FHOD3: variants seen among roughly 807,000 people sequenced by gnomAD.
FHOD3 encodes formin homology 2 domain containing 3, also known as FH1/FH2 domain-containing protein 3.
FHOD3 carries 90 observed loss-of-function variants against 173.0 expected under a neutral mutation model. The observed-to-expected ratio is 0.52, with a 90% CI of 0.44 to 0.62. FHOD3 has a LOEUF of 0.62. FHOD3 is among the 20% of genes least tolerant of loss of function. The pLI, the probability that FHOD3 is intolerant of heterozygous loss-of-function variation, is 0.00. For synonymous variants in FHOD3, 828 were observed against 823.0 expected (o/e 1.01, Z -0.10); for missense variants, 1,945 against 2,034.7 (o/e 0.96, Z 0.85).
chr18:36,692,104 G>A (rs983250003), intron 16 of FHOD3, among the ~76,000 whole-genome samples: 3 of 152,228 alleles, frequency 2.0e-5, no homozygotes, highest in African/African-American at 7.2e-5. Context: ...ACTGCCTTTG[G>A]GCTGGCAGGG....
rs1418551158 is a variant in FHOD3, at chr18:36,599,785, A to C, written c.719-2889A>C. ...ACCTGGGGGTAAACTGGGTATCTCC[A>C]CCAACCACCACCATTACAATTACAG... On this transcript the variant is annotated intron_variant, in intron 7 of 28. Coordinates refer to ENST00000590592, the MANE Select transcript of FHOD3 (RefSeq NM_001281740.3). 5.9e-5 allele frequency among the ~76,000 whole-genome samples: 9 copies of C among 152,290 alleles called. No homozygotes were observed. The East Asian group carries it at 1.5e-3, about 26-fold the overall frequency.
chr18:36,566,823 T>G (rs1268483480), intron 5 of FHOD3, among the ~76,000 whole-genome samples: 1 of 151,152 alleles, frequency 6.6e-6, no homozygotes, highest in Non-Finnish European at 1.5e-5. Context: ...AGGGAAGGAG[T>G]CTGGAATAGC....
intron 14 of FHOD3, among the ~76,000 whole-genome samples, chr18:36,660,097 C>T (rs187692150): frequency 3.3e-5 from 5 of 152,202 alleles, no homozygotes; most frequent in African/African-American, 9.6e-5. Context: ...GGTGAACCCC[C>T]GTCTCTACTA....
chr18:36,671,070 G>A (rs890250429), intron 14 of FHOD3, among the ~76,000 whole-genome samples: 4 of 152,170 alleles, frequency 2.6e-5, no homozygotes, highest in African/African-American at 9.7e-5. Context: ...TCTTTCACTG[G>A]CCACAGATTA....
chr18:36,476,073 G>A (rs11878080), intron 3 of FHOD3, among the ~76,000 whole-genome samples: 21,328 of 152,096 alleles, frequency 0.14, 1,620 homozygotes, highest in East Asian at 0.27. Context: ...TATGAAGCTT[G>A]TTCATTTGTT....
intron 5 of FHOD3, among the ~76,000 whole-genome samples, chr18:36,526,448 C>T (rs1463178852): frequency 3.3e-5 from 5 of 151,368 alleles, no homozygotes; most frequent in African/African-American, 1.2e-4. Flanking sequence ...TCTTTTGAGA[C>T]TGAATCTTGC....
At chr18:36,695,015 T>C (rs1376958292) in intron 17 of FHOD3, among the ~76,000 whole-genome samples, 1 of 151,556 alleles carries the variant, frequency 6.6e-6, no homozygotes, top group Non-Finnish European at 1.5e-5. Context: ...GTGTGTAGTA[T>C]GCATTTGGGG....
chr18:36,619,300 C>T (rs1364783940), intron 9 of FHOD3, among the ~76,000 whole-genome samples: 1 of 152,186 alleles, frequency 6.6e-6, no homozygotes, highest in East Asian at 1.9e-4. Context: ...CTGACTGTAT[C>T]TGACATGACC....
At chr18:36,658,739 A>G (rs1470250492) in intron 14 of FHOD3, among the ~76,000 whole-genome samples, 2 of 152,264 alleles carry the variant, frequency 1.3e-5, no homozygotes, top group African/African-American at 4.8e-5. Context: ...TGTGTTTACA[A>G]GGGAAAGGTA....
intron 5 of FHOD3, among the ~76,000 whole-genome samples, chr18:36,564,632 G>A (rs1047393806): frequency 1.3e-5 from 2 of 152,180 alleles, no homozygotes; most frequent in African/African-American, 4.8e-5. Context: ...GATGCAGAGA[G>A]CTTAGCTACA....
At chr18:36,309,148 C>A (rs1051428481) in intron 1 of FHOD3, among the ~76,000 whole-genome samples, 2 of 152,120 alleles carry the variant, frequency 1.3e-5, no homozygotes, top group African/African-American at 4.8e-5. Context: ...TGGAGGGAGA[C>A]CAGGCCAGAC....
At position 36,336,000 on chromosome 18, in the gene FHOD3, G is replaced by A. The variant is rs530590029; in HGVS notation, c.166-19539G>A. On this transcript the variant is annotated intron_variant, in intron 1 of 28. Coordinates refer to ENST00000590592, the MANE Select transcript of FHOD3 (RefSeq NM_001281740.3). ...CATGAACGTTGTGGCAACCTTTTAG[G>A]ACATACAACGTGTTCTTACACCACA... 7.2e-5 allele frequency among the ~76,000 whole-genome samples: 11 copies of A among 152,276 alleles called. No homozygotes were observed. In the South Asian group the frequency reaches 2.3e-3, roughly 32 times the overall value.
intron 1 of FHOD3, among the ~76,000 whole-genome samples, chr18:36,336,217 G>T (rs968104199): frequency 3.3e-5 from 5 of 152,162 alleles, no homozygotes; most frequent in African/African-American, 1.2e-4. Flanking sequence ...TTGTTTTCCA[G>T]AAAATCTCAA....
intron 19 of FHOD3, among the ~76,000 whole-genome samples, chr18:36,725,561 G>C (rs200869848): frequency 1.3e-5 from 2 of 152,124 alleles, no homozygotes; most frequent in African/African-American, 4.8e-5. Context: ...TGAGACTCCA[G>C]GCAGCAGGGT....
intron 2 of FHOD3, among the ~76,000 whole-genome samples, chr18:36,361,067 T>C (rs974847272): frequency 1.3e-5 from 2 of 152,130 alleles, no homozygotes. Flanking sequence ...TTCCCTGATT[T>C]TTTTTTTCCT....
At chr18:36,380,382 A>G (rs1427427180) in intron 3 of FHOD3, among the ~76,000 whole-genome samples, 1 of 152,134 alleles carries the variant, frequency 6.6e-6, no homozygotes, top group African/African-American at 2.4e-5. Context: ...TAGAGAGATC[A>G]TTGGGGCAAG....
At chr18:36,581,331 C>A (rs931800651) in intron 6 of FHOD3, among the ~76,000 whole-genome samples, 2 of 152,174 alleles carry the variant, frequency 1.3e-5, no homozygotes, top group Admixed American at 1.3e-4. Flanking sequence ...CTTTGTCACC[C>A]AGCACAGAGA....
At position 36,652,494 on chromosome 18, in the gene FHOD3, C is replaced by T. The variant is rs1013155649; in HGVS notation, c.1287-76C>T. The T allele has an allele frequency of 4.1e-6, 6 of 1,448,468 alleles. No individual in the cohort carries two copies. In the Admixed American group the frequency reaches 7.6e-5, roughly 18 times the overall value. 89.7% of individuals were successfully genotyped at this position (1,448,468 alleles called of 1,614,324 possible). On this transcript the variant is annotated intron_variant, in intron 11 of 28. Coordinates refer to ENST00000590592, the MANE Select transcript of FHOD3 (RefSeq NM_001281740.3). ...TACAGAAGTGGCTTTTTGCCTGTCT[C>T]TCTTTTTCCTAACCTTTGCTCCTTC...
At chr18:36,773,262 C>G (rs995568531) in intron 28 of FHOD3, among the ~76,000 whole-genome samples, 1 of 152,138 alleles carries the variant, frequency 6.6e-6, no homozygotes, top group Non-Finnish European at 1.5e-5. Flanking sequence ...GTAAGTCCCC[C>G]CCACAGTGTC....
Sources: allele counts gnomAD v4.1 joint callset (sites outside exome capture counted in the v4.1 genomes callset), GRCh38; gene constraint gnomAD v4.1.1; transcripts MANE v1.5; gene names NCBI Gene and HGNC (gene_info 2026-07-23, HGNC 2026-07-21).